Variants in RASGRF1 observed in about 807,000 individuals in gnomAD.
RASGRF1 encodes ras-specific guanine nucleotide-releasing factor 1.
In RASGRF1, 40 loss-of-function variants were observed where a neutral mutation model predicts 138.7. That is an observed-to-expected ratio of 0.29 (90% CI 0.22 to 0.38). The LOEUF is 0.38. RASGRF1 is among the 10% of genes least tolerant of loss of function. The probability of loss-of-function intolerance (pLI) is 1.00; values close to 1 mark genes in which losing one functional copy is unlikely to be tolerated. For synonymous variants in RASGRF1, 614 were observed against 663.2 expected (o/e 0.93, Z 1.14); for missense variants, 1,108 against 1,650.4 (o/e 0.67, Z 5.69).
rs2057795733 is a variant in RASGRF1 at position 79,073,924 on chromosome 15, T to C, written c.277-9398A>G. Among the ~76,000 whole-genome samples, 1 of 152,182 alleles carries C rather than the reference T, an allele frequency of 6.6e-6. No individual in the cohort carries two copies. The highest frequency in any genetic ancestry group is 6.5e-5 in the Admixed American group (1 of 15,288). The stretch of plus-strand genomic sequence containing the variant: ...GGTGATCCTGCTGCACCCTGTGGTA[T>C]GAGAAGCATTGCTTAAGGCAAGCCA... On this transcript the variant is annotated intron_variant, in intron 1 of 26. Coordinates refer to ENST00000558480, the MANE Select transcript of RASGRF1 (RefSeq NM_001145648.3). This position sits in a 1 kb window ranked among gnomAD's most constrained non-coding sequence, Gnocchi z 4.2.
chr15:79,016,211 T>C (rs1160930291), intron 12 of RASGRF1, among the ~76,000 whole-genome samples: 1 of 152,154 alleles, frequency 6.6e-6, no homozygotes, highest in Non-Finnish European at 1.5e-5. Context: ...CTTCTGGTTT[T>C]GAGAATGTGT....
At chr15:78,999,946 C>A (rs1346168191) in intron 16 of RASGRF1, 33 bp from the exon 17 acceptor site, 3 of 1,599,088 alleles carry the variant, frequency 1.9e-6, no homozygotes, top group South Asian at 2.3e-5. Context: ...CCTCAGCTGT[C>A]CCCAGTCCCA....
In RASGRF1 at chr15:79,090,554, C is replaced by T; in HGVS notation, c.-56G>A. The T allele has an allele frequency of 6.3e-7, 1 of 1,580,622 alleles. No individual in the cohort carries two copies. Among genetic ancestry groups the T allele is most frequent in the Non-Finnish European group, 8.6e-7 (1 of 1,164,986 alleles). The stretch of plus-strand genomic sequence containing the variant: ...CTTACATCTTCTCCGCGCAGCAGCC[C>T]CCCGTCCGTGCGCGCTGCGCGCTGC... On this transcript the variant is annotated 5_prime_UTR_variant, in exon 1 of 27. Transcript: ENST00000558480.
chr15:78,972,038 T>C, intron 25 of RASGRF1, 104 bp from the exon 26 acceptor site: 1 of 988,482 alleles, frequency 1.0e-6, no homozygotes, highest in Non-Finnish European at 1.6e-6. Flanking sequence ...GAAGTCAGCC[T>C]CTTAATTCCA....
rs903043695 is a variant in RASGRF1, at chr15:79,058,351, C to T, written c.514G>A (p.Glu172Lys). ...QQIEDGEIEIERLKAEITSLL... is the reference protein window; with the variant it reads ...QQIEDGEIEIKRLKAEITSLL... ...GCAGTCACCTCTGCCTTCAGCCGCT[C>T]GATCTCGATCTCCCCATCCTCGATC... The change falls in exon 3 of 27, where the codon GAG becomes AAG. Residue 172 changes from glutamate (E) to lysine (K), a missense_variant. Glu to Lys is a moderately conservative substitution (Grantham distance 56, BLOSUM62 1). Transcript: ENST00000558480. 4.3e-6 allele frequency: 7 copies of T among 1,613,620 alleles called. No homozygotes were observed. The highest frequency in any genetic ancestry group is 4.0e-5 in the African/African-American group (3 of 74,936).
intron 23 of RASGRF1, 78 bp downstream of exon 23, chr15:78,984,929 G>T: frequency 6.7e-7 from 1 of 1,488,292 alleles, no homozygotes; most frequent in Non-Finnish European, 9.3e-7. Flanking sequence ...TGGATGCCCA[G>T]TGGCCAGCCC....
rs556875474 is a variant in RASGRF1, at chr15:79,068,951, C to G, written c.277-4425G>C. 2.0e-5 allele frequency among the ~76,000 whole-genome samples: 3 copies of G among 152,226 alleles called. No individual in the cohort carries two copies. In the South Asian group the frequency reaches 6.2e-4, roughly 32 times the overall value. ...GAACACACAGGCCAGAGATTCAGGT[C>G]TCAGGGAAAAGAGTTTGCCTGGACC... is the stretch of plus-strand genomic sequence containing the variant. On this transcript the variant is annotated intron_variant, in intron 1 of 26. Transcript: ENST00000558480.
intron 10 of RASGRF1, among the ~76,000 whole-genome samples, chr15:79,023,680 G>A (rs1353233254): frequency 1.3e-5 from 2 of 152,188 alleles, no homozygotes; most frequent in African/African-American, 4.8e-5. Flanking sequence ...CTTTAGGGAT[G>A]AGCTGGTTAG....
intron 1 of RASGRF1, among the ~76,000 whole-genome samples, chr15:79,067,267 G>A (rs1250094267): frequency 6.6e-6 from 1 of 152,184 alleles, no homozygotes; most frequent in African/African-American, 2.4e-5. Context: ...CAGAAGAACT[G>A]CAGTCCAGGC....
At chr15:79,005,438 G>C (rs956624854) in intron 14 of RASGRF1, 82 of 985,314 alleles carry the variant, frequency 8.3e-5, no homozygotes, top group Non-Finnish European at 9.4e-5. Context: ...GGCTGGGATG[G>C]GCTGTCCACA....
rs1349545865 is a variant in RASGRF1, at chr15:78,990,272, C to G, written c.3133G>C (p.Glu1045Gln). Residue 1045 changes from glutamate to glutamine, a missense_variant and splice_region_variant, in exon 22 of 27, where the codon GAG becomes CAG. Around this residue, in one of 3 missense-constraint regions of RASGRF1, gnomAD observed 686 missense variants for 976.7 expected, o/e 0.70. Transcript: ENST00000558480. ...TTCATCCATCCTTGTCCGAAGAACT[C>G]CCTGTAGGAAGTAAGGGGAGACCCA... ...HLVFKKIPYE[E>Q]FFGQGWMKLE... The G allele has an allele frequency of 6.2e-7, 1 of 1,601,172 alleles. No homozygotes were observed. The highest frequency in any genetic ancestry group is 8.6e-7 in the Non-Finnish European group (1 of 1,168,320).
Position 79,058,498 on chromosome 15 carries a change from A to G in RASGRF1, c.384-17T>C, listed in dbSNP as rs3816282. 173,508 of 1,611,864 alleles carry G rather than the reference A, an allele frequency of 0.11. 11,086 individuals carry two copies. The highest frequency in any genetic ancestry group is 0.24 in the South Asian group (21,926 of 91,022). Reference sequence around the variant, plus strand: ...GTCCTGTAGCTGTGGACAGATGGACATGGCAGGTAAGATGCTGACTCCTTG... The same window carrying G: ...GTCCTGTAGCTGTGGACAGATGGACGTGGCAGGTAAGATGCTGACTCCTTG... On this transcript the variant is annotated splice_polypyrimidine_tract_variant and intron_variant, in intron 2 of 26. Transcript: ENST00000558480.
chr15:79,023,212 G>A (rs977130660), intron 10 of RASGRF1, among the ~76,000 whole-genome samples: 1 of 151,778 alleles, frequency 6.6e-6, no homozygotes, highest in Non-Finnish European at 1.5e-5. Context: ...CCCTTTCCAG[G>A]CCACAGTGTG....
Position 79,004,103 on chromosome 15 carries a change from G to C in RASGRF1, c.2148C>G (p.Arg716=). 1 of 1,613,812 alleles carries C rather than the reference G, an allele frequency of 6.2e-7. No homozygotes were observed. Among genetic ancestry groups the C allele is most frequent in the Non-Finnish European group, 8.5e-7 (1 of 1,179,960 alleles). The change falls in exon 15 of 27, where the codon CGC becomes CGG. Residue 716 remains arginine (R), a synonymous_variant. Transcript: ENST00000558480. ...GCGGCGAGGAGAACTTGCGGGTGGC[G>C]CGCGGGGACTTGGGGGGTTCACCGT... is the stretch of plus-strand genomic sequence containing the variant. ...LLYGEPPKSP[R]ATRKFSSPPP...
At chr15:78,987,565 A>G (rs2870086) in intron 22 of RASGRF1, among the ~76,000 whole-genome samples, 151,566 of 152,200 alleles carry the variant, frequency 1, 75,470 homozygotes, top group Non-Finnish European at 1. Context: ...GTGCAGTGGC[A>G]TGCACCTGTA....
Position 78,978,722 on chromosome 15 carries a change from T to C in RASGRF1, c.3494+1898A>G, listed in dbSNP as rs2055940772. ...ACGCTCAGTATTCATGCAACACCGCTCTTTGTGAAAACCTTAGAGCCTCAG... is the reference window on the plus strand; with the variant it reads ...ACGCTCAGTATTCATGCAACACCGCCCTTTGTGAAAACCTTAGAGCCTCAG... On this transcript the variant is annotated intron_variant, in intron 24 of 26. Coordinates refer to ENST00000558480, the MANE Select transcript of RASGRF1 (RefSeq NM_001145648.3). 3 of 1,090,210 alleles carry C rather than the reference T, an allele frequency of 2.8e-6. No individual in the cohort carries two copies. The Admixed American group carries it at 1.3e-4, about 47-fold the overall frequency. 67.5% of individuals were successfully genotyped at this position (1,090,210 alleles called of 1,614,324 possible).
chr15:78,978,479 C>T (rs1376594511), intron 24 of RASGRF1: 2 of 955,394 alleles, frequency 2.1e-6, no homozygotes, highest in Non-Finnish European at 2.5e-6. Context: ...CCCACCTCGG[C>T]CTCCTAAAGT....
intron 10 of RASGRF1, among the ~76,000 whole-genome samples, chr15:79,021,678 C>T (rs1001527714): frequency 2.0e-5 from 3 of 152,198 alleles, no homozygotes; most frequent in African/African-American, 7.2e-5. Context: ...TGATTAAGAA[C>T]ACAGACTCTG....
intron 24 of RASGRF1, among the ~76,000 whole-genome samples, chr15:78,974,152 G>A (rs537201775): frequency 1.2e-4 from 19 of 152,252 alleles, no homozygotes; most frequent in African/African-American, 3.9e-4. Context: ...CCTTCCCAGC[G>A]TGTTCTGGTG....
Sources: gnomAD v4.1 joint callset for allele counts (sites outside exome capture counted in the v4.1 genomes callset) on GRCh38, gnomAD v4.1.1 for gene constraint, gnomAD v4.1.1 regional missense constraint, Gnocchi (gnomAD v3.1) non-coding constraint, MANE v1.5 for transcripts, NCBI Gene and HGNC (gene_info 2026-07-23, HGNC 2026-07-21) for gene names.